Variants in ATP2B2 observed in about 807,000 individuals in gnomAD.
The protein encoded by ATP2B2 is plasma membrane calcium-transporting ATPase 2.
A neutral mutation model predicts 120.0 loss-of-function variants in ATP2B2; 15 were observed. That is an observed-to-expected ratio of 0.12 (90% CI 0.08 to 0.19). The LOEUF is 0.19. Ranked by LOEUF, ATP2B2 falls within the 10% of genes least tolerant of loss-of-function variation. ATP2B2 has a pLI of 1.00. For synonymous variants in ATP2B2, 694 were observed against 700.3 expected, an observed-to-expected ratio of 0.99 and a Z score of 0.14; for missense variants, 1,045 against 1,719.8, an observed-to-expected ratio of 0.61 and a Z score of 6.94.
intron 2 of ATP2B2, among the ~76,000 whole-genome samples, chr3:10,553,051 T>C (rs1207314557): frequency 6.6e-6 from 1 of 152,190 alleles, no homozygotes; most frequent in African/African-American, 2.4e-5. Flanking sequence ...ATCTGTGCAA[T>C]GGGAATATAT....
chr3:10,552,529 GCAATC>G (rs2067692329), intron 2 of ATP2B2, among the ~76,000 whole-genome samples: 1 of 152,208 alleles, frequency 6.6e-6, no homozygotes, highest in Non-Finnish European at 1.5e-5. Flanking sequence ...CATCAGAAAG[GCAATC>G]CAGAACCTCC....
intron 2 of ATP2B2, among the ~76,000 whole-genome samples, chr3:10,576,174 C>T (rs1222491876): frequency 2.0e-5 from 3 of 152,210 alleles, no homozygotes; most frequent in Non-Finnish European, 4.4e-5. Flanking sequence ...GCCTTAGCCC[C>T]TGTGCTGACT....
At chr3:10,645,799 T>C (rs1468232555) in intron 1 of ATP2B2, among the ~76,000 whole-genome samples, 2 of 152,174 alleles carry the variant, frequency 1.3e-5, no homozygotes, top group Non-Finnish European at 2.9e-5. Context: ...ATAATTGGGT[T>C]CCCTTTCATT....
chr3:10,620,384 G>C (rs906715287), intron 1 of ATP2B2, among the ~76,000 whole-genome samples: 2 of 152,208 alleles, frequency 1.3e-5, no homozygotes, highest in Non-Finnish European at 2.9e-5. Context: ...ACAAAGTCTG[G>C]GGTTGGGGCC....
At chr3:10,550,764 T>G (rs2067651421) in intron 2 of ATP2B2, among the ~76,000 whole-genome samples, 1 of 152,044 alleles carries the variant, frequency 6.6e-6, no homozygotes, top group African/African-American at 2.4e-5. Context: ...ATGGAACGAG[T>G]TGCAGAAGAG....
At chr3:10,514,336 A>G (rs1182948460) in intron 3 of ATP2B2, among the ~76,000 whole-genome samples, 1 of 152,174 alleles carries the variant, frequency 6.6e-6, no homozygotes, top group Non-Finnish European at 1.5e-5. Flanking sequence ...GAGGACAGAC[A>G]GGAACTGGCC....
intron 1 of ATP2B2, among the ~76,000 whole-genome samples, chr3:10,655,404 C>G (rs1429199201): frequency 5.3e-5 from 8 of 152,236 alleles, no homozygotes; most frequent in Non-Finnish European, 2.9e-5. Context: ...CAATCAGAAT[C>G]CCCCAGGTTG....
Position 10,384,244 on chromosome 3 carries a change from G to C in ATP2B2, c.1000+1024C>G, listed in dbSNP as rs73131240. On this transcript the variant is annotated intron_variant, in intron 8 of 22. Coordinates refer to ENST00000360273, the MANE Select transcript of ATP2B2 (RefSeq NM_001001331.4). ...GGGAACAAGTCTCCATATTTTGCAG[G>C]AGTGGTGAGAAGTGAATGATATGAT... Among the ~76,000 whole-genome samples, 460 of 152,308 alleles carry C rather than the reference G, an allele frequency of 3.0e-3. 4 individuals are homozygous for C. The highest frequency in any genetic ancestry group is 0.01 in the African/African-American group (436 of 41,568).
chr3:10,387,570 G>A (rs954717452), intron 6 of ATP2B2, among the ~76,000 whole-genome samples: 3 of 152,262 alleles, frequency 2.0e-5, no homozygotes, highest in African/African-American at 7.2e-5. Context: ...GCTGGGACCA[G>A]AAGCCTGGGC....
At chr3:10,687,048 AG>A (rs2071540194) in intron 1 of ATP2B2, among the ~76,000 whole-genome samples, 1 of 152,236 alleles carries the variant, frequency 6.6e-6, no homozygotes, top group African/African-American at 2.4e-5. Flanking sequence ...TGCAGCTGAT[AG>A]GGACCACGAT....
chr3:10,510,737 C>T (rs1449554281), intron 3 of ATP2B2, among the ~76,000 whole-genome samples: 1 of 152,216 alleles, frequency 6.6e-6, no homozygotes, highest in African/African-American at 2.4e-5. Flanking sequence ...CTTGGGGAAG[C>T]AGGAGCTACT....
intron 2 of ATP2B2, among the ~76,000 whole-genome samples, chr3:10,444,524 T>G (rs544392816): frequency 6.6e-6 from 1 of 152,194 alleles, no homozygotes; most frequent in Non-Finnish European, 1.5e-5. Context: ...GGCTGTGGGA[T>G]TCATACAAAA....
chr3:10,625,596 G>C (rs2069675120), intron 1 of ATP2B2, among the ~76,000 whole-genome samples: 1 of 152,228 alleles, frequency 6.6e-6, no homozygotes, highest in African/African-American at 2.4e-5. Context: ...GTGGAGGAGG[G>C]GGAGGTGTTG....
chr3:10,706,247 T>C (rs1002417457), intron 1 of ATP2B2, among the ~76,000 whole-genome samples: 1 of 152,158 alleles, frequency 6.6e-6, no homozygotes, highest in African/African-American at 2.4e-5. Flanking sequence ...CTGTTGCCAA[T>C]AGTACCCCTG....
intron 2 of ATP2B2, among the ~76,000 whole-genome samples, chr3:10,434,355 G>A (rs539010613): frequency 1.3e-5 from 2 of 152,188 alleles, no homozygotes; most frequent in Admixed American, 1.3e-4. Flanking sequence ...CTGCAACAGG[G>A]TATGGCTGGA....
At chr3:10,400,095 T>A (rs1165779841) in intron 5 of ATP2B2, among the ~76,000 whole-genome samples, 1 of 152,200 alleles carries the variant, frequency 6.6e-6, no homozygotes, top group Non-Finnish European at 1.5e-5. Flanking sequence ...TAAGGCCTTT[T>A]GGGCGTCCCT....
intron 1 of ATP2B2, among the ~76,000 whole-genome samples, chr3:10,483,088 C>T (rs997016899): frequency 2.6e-5 from 4 of 152,222 alleles, no homozygotes; most frequent in Non-Finnish European, 5.9e-5. Flanking sequence ...GGATTCAGGT[C>T]CATCTCCCTC....
In ATP2B2 at chr3:10,655,401, A is replaced by G. The variant is rs1025224235; in HGVS notation, c.-459-35440T>C. ...CCTCCCTCCAGACCTGCTCAATCAG[A>G]ATCCCCCAGGTTGGGACCAAGTAAA... On this transcript the variant is annotated intron_variant, in intron 1 of 21. Coordinates refer to the ATP2B2 transcript ENST00000646379. Among the ~76,000 whole-genome samples, 5 of 152,228 alleles carry G rather than the reference A, an allele frequency of 3.3e-5. 1 individual carries two copies. Among genetic ancestry groups the G allele is most frequent in the African/African-American group, 4.8e-5 (2 of 41,474 alleles).
chr3:10,531,141 T>G (rs2067201022), intron 3 of ATP2B2, among the ~76,000 whole-genome samples: 1 of 152,148 alleles, frequency 6.6e-6, no homozygotes, highest in Non-Finnish European at 1.5e-5. Flanking sequence ...TGGGAGGACC[T>G]TTCACTCTGG....
Sources: allele counts gnomAD v4.1 joint callset (sites outside exome capture counted in the v4.1 genomes callset), GRCh38; gene constraint gnomAD v4.1.1; transcripts MANE v1.5; gene names NCBI Gene and HGNC (gene_info 2026-07-23, HGNC 2026-07-21).